The following AMPD1 variants were observed in gnomAD, a reference collection of about 807,000 sequenced individuals.
The protein encoded by AMPD1 is AMP deaminase 1.
Under a neutral mutation model 82.9 loss-of-function variants are expected in AMPD1, and 74 were observed. The ratio of observed to expected loss-of-function variants is 0.89; its 90% CI spans 0.74 to 1.08. The LOEUF (loss-of-function observed/expected upper bound fraction) is 1.08, where lower values mean the gene tolerates loss of function less well. Ranked by LOEUF, AMPD1 falls within the 50% of genes least tolerant of loss-of-function variation. The pLI is 0.00. For missense variants in AMPD1, 881 were observed against 924.5 expected (o/e 0.95, Z 0.61); for synonymous variants, 333 against 320.5 (o/e 1.04, Z -0.42).
At chr1:114,675,453 G>T in intron 12 of AMPD1, 77 bp downstream of exon 12, 1 of 1,501,290 alleles carries the variant, frequency 6.7e-7, no homozygotes. Context: ...TGAGGCCCCT[G>T]ACCACCTTAA....
At chr1:114,673,317 C>T (rs373285412) in intron 15 of AMPD1, 45 bp from the exon 16 acceptor site, 15 of 1,602,082 alleles carry the variant, frequency 9.4e-6, no homozygotes, top group Non-Finnish European at 1.3e-5. Context: ...CTCTTTTCAC[C>T]CTGGTATAGA....
At chr1:114,684,487 A>G (rs1658256231) in intron 4 of AMPD1, 123 bp from the exon 5 acceptor site, 1 of 993,410 alleles carries the variant, frequency 1.0e-6, no homozygotes, top group South Asian at 1.4e-5. Flanking sequence ...GAGACTCACC[A>G]CTCACCTGGC....
chr1:114,690,753 C>T (rs1296976483), intron 2 of AMPD1, among the ~76,000 whole-genome samples: 2 of 152,094 alleles, frequency 1.3e-5, no homozygotes, highest in Non-Finnish European at 2.9e-5. Flanking sequence ...TCACTACTTC[C>T]TAAGCATCAC....
At chr1:114,690,840 G>C (rs1488855306) in intron 2 of AMPD1, among the ~76,000 whole-genome samples, 3 of 152,130 alleles carry the variant, frequency 2.0e-5, no homozygotes, top group Non-Finnish European at 2.9e-5. Context: ...AGGGCAAATG[G>C]AAACAGGACA....
At chr1:114,692,816 G>T (rs1310590303) in intron 2 of AMPD1, among the ~76,000 whole-genome samples, 1 of 149,634 alleles carries the variant, frequency 6.7e-6, no homozygotes, top group Non-Finnish European at 1.5e-5. Flanking sequence ...GGCCCCTTTG[G>T]CTAATCTATG....
intron 2 of AMPD1, among the ~76,000 whole-genome samples, chr1:114,693,055 G>A (rs1439812192): frequency 6.6e-6 from 1 of 151,274 alleles, no homozygotes; most frequent in Non-Finnish European, 1.5e-5. Flanking sequence ...AATCCGGGAG[G>A]CAAAGGTTGC....
chr1:114,676,491 T>TAAGCTAAA (rs1657984531), intron 10 of AMPD1, among the ~76,000 whole-genome samples: 1 of 152,204 alleles, frequency 6.6e-6, no homozygotes, highest in South Asian at 2.1e-4. Context: ...GTATTGTTTT[T>TAAGCTAAA]AACCTTGTTT....
rs1364935325 is a variant in AMPD1 at position 114,678,059 on chromosome 1, A to G, written c.1093-18T>C. On this transcript the variant is annotated intron_variant, in intron 8 of 15. Transcript: ENST00000520113. ...TGGCGTCCCTGAATCAGGAAAAAAG[A>G]GCAGAGATGTATTATTACCAGAGCT... is the stretch of plus-strand genomic sequence containing the variant. The G allele has an allele frequency of 3.1e-6, 5 of 1,613,718 alleles. No homozygotes were observed. In the Admixed American group the frequency reaches 6.7e-5, roughly 22 times the overall value.
intron 10 of AMPD1, among the ~76,000 whole-genome samples, chr1:114,676,447 C>T (rs1318165293): frequency 2.0e-5 from 3 of 152,166 alleles, no homozygotes; most frequent in African/African-American, 7.2e-5. Context: ...GAAATATTAG[C>T]TAATGTAATC....
In AMPD1 at chr1:114,678,483, A is replaced by G. The variant is rs762195221; in HGVS notation, c.942T>C (p.His314=). The G allele has an allele frequency of 1.7e-5, 27 of 1,614,068 alleles. No individual in the cohort carries two copies. Among genetic ancestry groups the G allele is most frequent in the Non-Finnish European group, 2.2e-5 (26 of 1,180,032 alleles). ...AAGATTTCTTAATAAAACGCAGCAG[A>G]TGTTTCTGGTTCATGCAAGCGGCTG... ...IHAAACMNQK[H]LLRFIKKSYQ... Residue 314 remains histidine, a synonymous_variant, in exon 8 of 16, where the codon CAT becomes CAC. Coordinates refer to ENST00000520113, the MANE Select transcript of AMPD1 (RefSeq NM_000036.3).
chr1:114,676,040 A>C (rs781355935), intron 10 of AMPD1, 37 bp from the exon 11 acceptor site: 1 of 1,610,912 alleles, frequency 6.2e-7, no homozygotes, highest in Non-Finnish European at 8.5e-7. Flanking sequence ...GGAGAAAAAA[A>C]GATTTTTAGG....
At chr1:114,685,257 G>A (rs902798313) in intron 4 of AMPD1, among the ~76,000 whole-genome samples, 1 of 152,142 alleles carries the variant, frequency 6.6e-6, no homozygotes, top group African/African-American at 2.4e-5. Flanking sequence ...GTAGCTCATT[G>A]CCACCTAATA....
chr1:114,695,424 G>T, intron 1 of AMPD1, 26 bp downstream of exon 1: 2 of 1,611,818 alleles, frequency 1.2e-6, no homozygotes, highest in Non-Finnish European at 1.7e-6. Context: ...CAACAACTGA[G>T]CTCTCCAAAC....
At chr1:114,676,088 T>A in intron 10 of AMPD1, 85 bp from the exon 11 acceptor site, 29 of 1,482,650 alleles carry the variant, frequency 2.0e-5, no homozygotes, top group Non-Finnish European at 2.7e-5. Context: ...GAGAATCGAA[T>A]GTCATGCACA....
At chr1:114,693,524 TG>T in intron 1 of AMPD1, 77 bp from the exon 2 acceptor site, 1 of 1,305,006 alleles carries the variant, frequency 7.7e-7, no homozygotes, top group Non-Finnish European at 1.1e-6. Flanking sequence ...ATCACTGCTT[TG>T]GGGTAGACAC....
intron 2 of AMPD1, among the ~76,000 whole-genome samples, chr1:114,690,798 G>C (rs1658489293): frequency 6.6e-6 from 1 of 152,108 alleles, no homozygotes; most frequent in South Asian, 2.1e-4. Context: ...AGAGTGGCAA[G>C]CAGAAGTTGG....
In AMPD1 at chr1:114,680,387, A is replaced by C; in HGVS notation, c.639T>G (p.Gly213=). ...CTTCATTAGGATAGACGTAAACTAC[A>C]CCGTCCTTCATTTTGAGGTGATAGC... is the stretch of plus-strand genomic sequence containing the variant. ...NLGYHLKMKD[G]VVYVYPNEAA... The change falls in exon 6 of 16, where the codon GGT becomes GGG. Residue 213 remains glycine, a synonymous_variant. Transcript: ENST00000520113. 6.2e-7 allele frequency: 1 copy of C among 1,614,160 alleles called. No homozygotes were observed. Among genetic ancestry groups the C allele is most frequent in the East Asian group, 2.2e-5 (1 of 44,880 alleles).
chr1:114,692,459 G>A (rs1331148720), intron 2 of AMPD1, among the ~76,000 whole-genome samples: 2 of 152,176 alleles, frequency 1.3e-5, no homozygotes, highest in Admixed American at 6.5e-5. Context: ...GCTGAGGTGG[G>A]TGGATCACTT....
rs1237297575 is a variant in AMPD1 at position 114,677,802 on chromosome 1, C to CTTCG, written c.1224+107_1224+108insCGAA. ...CCTTCCTTCTTTCCCTCTCTCCCTC[C>CTTCG]TTCCTTCCTTCCTTCCTTCCTTCCT... On this transcript the variant is annotated intron_variant, in intron 9 of 15. Coordinates refer to ENST00000520113, the MANE Select transcript of AMPD1 (RefSeq NM_000036.3). The CTTCG allele has an allele frequency of 5.4e-4, 149 of 276,100 alleles. 2 individuals are homozygous for CTTCG. Among genetic ancestry groups the CTTCG allele is most frequent in the Non-Finnish European group, 6.6e-4 (129 of 195,690 alleles). 17.1% of individuals were successfully genotyped at this position (276,100 alleles called of 1,614,324 possible).
Sources: allele counts gnomAD v4.1 joint callset (sites outside exome capture counted in the v4.1 genomes callset), GRCh38; gene constraint gnomAD v4.1.1; transcripts MANE v1.5; gene names NCBI Gene and HGNC (gene_info 2026-07-23, HGNC 2026-07-21).